The following ARHGAP17 variants were observed in gnomAD, a reference collection of about 807,000 sequenced individuals.
ARHGAP17 encodes the protein rho GTPase-activating protein 17.
Under a neutral mutation model 99.5 loss-of-function variants are expected in ARHGAP17, and 57 were observed. The observed-to-expected ratio is 0.57, with a 90% CI of 0.46 to 0.71. The LOEUF is 0.71. Ranked by LOEUF, ARHGAP17 falls within the 30% of genes least tolerant of loss-of-function variation. The pLI, the probability that ARHGAP17 is intolerant of heterozygous loss-of-function variation, is 0.00. For missense variants in ARHGAP17, 1,000 were observed against 1,122.4 expected (o/e 0.89, Z 1.56); for synonymous variants, 417 against 429.6 (o/e 0.97, Z 0.36).
intron 1 of ARHGAP17, among the ~76,000 whole-genome samples, chr16:24,982,224 C>T (rs997537302): frequency 2.0e-5 from 3 of 151,812 alleles, no homozygotes; most frequent in African/African-American, 7.3e-5. Context: ...GTCAACATGG[C>T]AAAACCTCAT....
In ARHGAP17 at chr16:24,939,382, G is replaced by C. The variant is rs753427507; in HGVS notation, c.1706C>G (p.Pro569Arg). The change falls in exon 17 of 20, where the codon CCG (proline) becomes CGG (arginine). Residue 569 changes from proline (P) to arginine (R), a missense_variant. Around this residue, in one of 2 missense-constraint regions of ARHGAP17, gnomAD observed 528 missense variants for 511.4 expected, o/e 1.03. Coordinates refer to ENST00000289968, the MANE Select transcript of ARHGAP17 (RefSeq NM_001006634.3). ...TCCTTACCTGCCGTCGCCTGGGCTCGGCCCCTGCTCCAGTATGCCCGCGGA... is the reference window on the plus strand; with the variant it reads ...TCCTTACCTGCCGTCGCCTGGGCTCCGCCCCTGCTCCAGTATGCCCGCGGA... ...PSSAGILEQG[P>R]SPGDGSPPKP... 3.7e-6 allele frequency: 6 copies of C among 1,607,118 alleles called. No homozygotes were observed. Among genetic ancestry groups the C allele is most frequent in the African/African-American group, 1.3e-5 (1 of 74,828 alleles).
At chr16:24,952,133 T>C (rs983238256) in intron 12 of ARHGAP17, among the ~76,000 whole-genome samples, 156 bp downstream of exon 12, 1 of 152,264 alleles carries the variant, frequency 6.6e-6, no homozygotes, top group Non-Finnish European at 1.5e-5. Flanking sequence ...ATACTTGATA[T>C]TTTTATTCTA....
intron 19 of ARHGAP17, among the ~76,000 whole-genome samples, chr16:24,922,558 G>C (rs563220976): frequency 2.0e-5 from 3 of 152,018 alleles, no homozygotes; most frequent in Admixed American, 6.6e-5. Context: ...ATTCCTACAT[G>C]AATCAGTCCC....
intron 19 of ARHGAP17, chr16:24,927,784 T>C: frequency 2.5e-6 from 2 of 802,926 alleles, no homozygotes; most frequent in Non-Finnish European, 3.4e-6. Context: ...CTAAAATCTA[T>C]TACTTCAAAA....
intron 12 of ARHGAP17, among the ~76,000 whole-genome samples, chr16:24,951,402 G>C (rs1310060726): frequency 2.0e-5 from 3 of 152,166 alleles, no homozygotes; most frequent in Non-Finnish European, 4.4e-5. Context: ...GATGAGCACA[G>C]TACTTAGCAC....
intron 16 of ARHGAP17, 128 bp from the exon 17 acceptor site, chr16:24,939,725 G>C (rs140540414): frequency 9.8e-7 from 1 of 1,020,948 alleles, no homozygotes; most frequent in Admixed American, 2.0e-5. Flanking sequence ...GCAGTGAAGC[G>C]GCAAGGACCA....
In ARHGAP17 at chr16:24,992,627, C is replaced by T. The variant is rs146583607; in HGVS notation, c.54-13622G>A. ...GGGATTACAGGCGTGAGCCACCGTG[C>T]CTGGCCCAACACATAGCTATTTTAA... On this transcript the variant is annotated intron_variant, in intron 1 of 19. Transcript: ENST00000289968. Among the ~76,000 whole-genome samples, 691 of 152,272 alleles carry T rather than the reference C, an allele frequency of 4.5e-3. 6 individuals are homozygous for T. The highest frequency in any genetic ancestry group is 0.016 in the African/African-American group (659 of 41,550).
At position 24,929,171 on chromosome 16, in the gene ARHGAP17, T is replaced by A. The variant is rs996212546; in HGVS notation, c.2515+1613A>T. Among the ~76,000 whole-genome samples, 328 of 148,976 alleles carry A rather than the reference T, an allele frequency of 2.2e-3. 1 individual carries two copies. Among genetic ancestry groups the A allele is most frequent in the Admixed American group, 0.011 (158 of 14,960 alleles). On this transcript the variant is annotated intron_variant, in intron 19 of 19. Coordinates refer to ENST00000289968, the MANE Select transcript of ARHGAP17 (RefSeq NM_001006634.3). The stretch of plus-strand genomic sequence containing the variant: ...AGATATTCCTTTTTTTTTTTTTTTT[T>A]AAAAAGAGGCAGGGTCTCACTCTGT...
chr16:24,963,836 T>C (rs2052089054), intron 7 of ARHGAP17, among the ~76,000 whole-genome samples: 1 of 152,240 alleles, frequency 6.6e-6, no homozygotes, highest in African/African-American at 2.4e-5. Context: ...CACTGATCTA[T>C]TTTAATGCTT....
At chr16:24,937,482 A>G (rs1438607766) in intron 17 of ARHGAP17, among the ~76,000 whole-genome samples, 1 of 152,166 alleles carries the variant, frequency 6.6e-6, no homozygotes, top group African/African-American at 2.4e-5. Context: ...GAAAAAGAAA[A>G]TAAGTGAATT....
intron 2 of ARHGAP17, 68 bp downstream of exon 2, chr16:24,978,898 C>A: frequency 3.4e-5 from 36 of 1,053,618 alleles, no homozygotes; most frequent in Non-Finnish European, 4.4e-5. Context: ...CCACAGGCCT[C>A]AATTCTCACA....
At chr16:24,922,205 G>A (rs540016190) in intron 19 of ARHGAP17, among the ~76,000 whole-genome samples, 7 of 152,328 alleles carry the variant, frequency 4.6e-5, no homozygotes, top group African/African-American at 9.6e-5. Context: ...CTACCAGCCC[G>A]TGTCTCTTCT....
intron 16 of ARHGAP17, 149 bp from the exon 17 acceptor site, chr16:24,939,746 C>T (rs1249613411): frequency 6.6e-6 from 5 of 755,104 alleles, no homozygotes; most frequent in African/African-American, 3.5e-5. Context: ...GACTAATGGC[C>T]ACCCCTGAGC....
At chr16:24,927,685 A>T in intron 19 of ARHGAP17, 1 of 1,212,122 alleles carries the variant, frequency 8.2e-7, no homozygotes, top group Non-Finnish European at 1.1e-6. Context: ...TTTCCTTACC[A>T]TTAAATATTC....
chr16:24,982,358 C>T (rs1206826397), intron 1 of ARHGAP17, among the ~76,000 whole-genome samples: 1 of 151,616 alleles, frequency 6.6e-6, no homozygotes, highest in Non-Finnish European at 1.5e-5. Flanking sequence ...GAGCCAAGAT[C>T]GTGCCACTGC....
intron 19 of ARHGAP17, among the ~76,000 whole-genome samples, chr16:24,926,586 T>C (rs1224921362): frequency 1.3e-5 from 2 of 152,216 alleles, no homozygotes; most frequent in African/African-American, 4.8e-5. Context: ...AAAAAGGCAT[T>C]ACTTACATGA....
At position 24,977,317 on chromosome 16, in the gene ARHGAP17, A is replaced by C. The variant is rs750139572; in HGVS notation, c.96T>G (p.Ile32Met). The C allele has an allele frequency of 1.9e-6, 3 of 1,580,970 alleles. No individual in the cohort carries two copies. The highest frequency in any genetic ancestry group is 2.6e-6 in the Non-Finnish European group (3 of 1,156,606). The change falls in exon 3 of 20, where the codon ATT becomes ATG. Residue 32 changes from isoleucine to methionine, a missense_variant and splice_region_variant. Ile to Met is a conservative substitution (Grantham distance 10, BLOSUM62 1). Transcript: ENST00000289968. ...TEVLSEDLLQ[I>M]ERRLDTVRSI... is the part of the protein sequence containing the mutation. ...ACCGCACCGTGTCCAGGCGTCTCTC[A>C]ATCTGACAAGGCAGAGACAAAAGAG...
intron 17 of ARHGAP17, chr16:24,935,855 A>C: frequency 1.7e-6 from 1 of 573,540 alleles, no homozygotes; most frequent in South Asian, 2.0e-5. Flanking sequence ...TTTTTTTTTA[A>C]GAGATGAGGT....
Position 24,930,769 on chromosome 16 carries a change from T to G in ARHGAP17, c.2515+15A>C, listed in dbSNP as rs1375371224. On this transcript the variant is annotated intron_variant, in intron 19 of 19. Transcript: ENST00000289968. ...AGAGCAGACGAGGAAATACGGGCAT[T>G]GATGTCCTACTTACCTGTTACTATC... 2 of 1,614,172 alleles carry G rather than the reference T, an allele frequency of 1.2e-6. No individual in the cohort carries two copies. Among genetic ancestry groups the G allele is most frequent in the South Asian group, 2.2e-5 (2 of 91,080 alleles).
Sources: allele counts gnomAD v4.1 joint callset (sites outside exome capture counted in the v4.1 genomes callset), GRCh38; gene constraint gnomAD v4.1.1; regional missense constraint gnomAD v4.1.1; transcripts MANE v1.5; gene names NCBI Gene and HGNC (gene_info 2026-07-23, HGNC 2026-07-21).